RPS6KC1: variants seen among roughly 807,000 people sequenced by gnomAD.
RPS6KC1 encodes the protein ribosomal protein S6 kinase C1.
Under a neutral mutation model 103.8 loss-of-function variants are expected in RPS6KC1, and 54 were observed. The observed-to-expected ratio is 0.52, with a 90% CI of 0.42 to 0.65. The LOEUF (loss-of-function observed/expected upper bound fraction) is 0.65. Among genes scored for constraint, RPS6KC1 ranks in the 30% least tolerant of loss-of-function variants. The pLI is 0.00. For synonymous variants in RPS6KC1, 439 were observed against 438.7 expected (o/e 1.00, Z -0.01); for missense variants, 1,151 against 1,253.8 (o/e 0.92, Z 1.24).
At chr1:213,092,481 C>G (rs2081059134) in intron 3 of RPS6KC1, among the ~76,000 whole-genome samples, 1 of 150,524 alleles carries the variant, frequency 6.6e-6, no homozygotes, top group Admixed American at 6.7e-5. Context: ...ACAATCCTGG[C>G]TAACATGGTG....
the RPS6KC1 span, among the ~76,000 whole-genome samples, chr1:213,413,511 G>A: frequency 1.3e-5 from 2 of 152,154 alleles, no homozygotes; most frequent in African/African-American, 4.8e-5. Flanking sequence ...GGCTGTGCTA[G>A]ATTTAGAGAA....
At chr1:213,196,607 G>A (rs1448445463) in intron 8 of RPS6KC1, among the ~76,000 whole-genome samples, 1 of 152,086 alleles carries the variant, frequency 6.6e-6, no homozygotes, top group Non-Finnish European at 1.5e-5. Context: ...GAATTTTTAT[G>A]GTTTCGGGTC....
At chr1:213,109,240 C>A (rs939086950) in intron 4 of RPS6KC1, among the ~76,000 whole-genome samples, 2 of 152,134 alleles carry the variant, frequency 1.3e-5, no homozygotes, top group African/African-American at 4.8e-5. Context: ...GGGTTCATGC[C>A]ATTCTCCTGC....
chr1:213,143,552 A>G (rs558522929), intron 6 of RPS6KC1, among the ~76,000 whole-genome samples: 2 of 151,798 alleles, frequency 1.3e-5, no homozygotes, highest in East Asian at 3.9e-4. Flanking sequence ...CCTTTTTTTA[A>G]TATACATTTA....
the RPS6KC1 span, among the ~76,000 whole-genome samples, chr1:213,352,943 A>G: frequency 3.9e-5 from 6 of 152,208 alleles, no homozygotes; most frequent in Admixed American, 3.3e-4. Flanking sequence ...ACCAACTTAT[A>G]TTTGCTGAGC....
At chr1:213,097,839 G>T (rs1383860067) in intron 3 of RPS6KC1, among the ~76,000 whole-genome samples, 1 of 152,120 alleles carries the variant, frequency 6.6e-6, no homozygotes, top group African/African-American at 2.4e-5. Flanking sequence ...TAAACCTCAT[G>T]TACCAACCTC....
the RPS6KC1 span, among the ~76,000 whole-genome samples, chr1:213,856,736 T>C: frequency 6.6e-6 from 1 of 152,260 alleles, no homozygotes. Flanking sequence ...TTCAATGTTT[T>C]GTTTCTTTTA....
At chr1:213,453,671 A>C in the RPS6KC1 span, among the ~76,000 whole-genome samples, 1 of 152,210 alleles carries the variant, frequency 6.6e-6, no homozygotes, top group Non-Finnish European at 1.5e-5. Flanking sequence ...AATGGTAAGC[A>C]CTTTGGGGTA....
At chr1:213,525,820 T>C in the RPS6KC1 span, among the ~76,000 whole-genome samples, 21 of 152,204 alleles carry the variant, frequency 1.4e-4, no homozygotes, top group Non-Finnish European at 1.5e-5. Context: ...ATGGGGGCAT[T>C]GGTTTCTTTG....
At chr1:213,172,006 G>A (rs942352131) in intron 7 of RPS6KC1, among the ~76,000 whole-genome samples, 6 of 152,206 alleles carry the variant, frequency 3.9e-5, no homozygotes, top group African/African-American at 1.4e-4. Context: ...CCGCAGTAAT[G>A]GTTACTCTCT....
At chr1:213,292,923 C>G in the RPS6KC1 span, among the ~76,000 whole-genome samples, 2 of 152,162 alleles carry the variant, frequency 1.3e-5, no homozygotes, top group Non-Finnish European at 2.9e-5. Flanking sequence ...GGCAGACCTC[C>G]TCTTTGAATC....
chr1:213,560,529 C>T, the RPS6KC1 span, among the ~76,000 whole-genome samples: 1 of 152,246 alleles, frequency 6.6e-6, no homozygotes, highest in African/African-American at 2.4e-5. Context: ...TTAAATTCTG[C>T]CAACAACCTG....
the RPS6KC1 span, among the ~76,000 whole-genome samples, chr1:213,637,742 T>C: frequency 6.6e-6 from 1 of 152,148 alleles, no homozygotes; most frequent in Non-Finnish European, 1.5e-5. Flanking sequence ...ACCTAGCCCT[T>C]GGTAATGCCA....
At chr1:213,608,512 G>A in the RPS6KC1 span, among the ~76,000 whole-genome samples, 1 of 152,162 alleles carries the variant, frequency 6.6e-6, no homozygotes, top group East Asian at 1.9e-4. Context: ...GGTCGTGTGG[G>A]GATGACGTCA....
At chr1:213,659,496 A>AT in the RPS6KC1 span, among the ~76,000 whole-genome samples, 1 of 152,160 alleles carries the variant, frequency 6.6e-6, no homozygotes, top group Non-Finnish European at 1.5e-5. Context: ...ACCAAAGAAC[A>AT]TTTTCTTAGA....
the RPS6KC1 span, among the ~76,000 whole-genome samples, chr1:213,708,292 T>G: frequency 6.6e-6 from 1 of 152,202 alleles, no homozygotes; most frequent in South Asian, 2.1e-4. Context: ...TTTTATCCTC[T>G]TTGTAGCAAT....
chr1:213,308,487 A>G, the RPS6KC1 span, among the ~76,000 whole-genome samples: 1 of 152,210 alleles, frequency 6.6e-6, no homozygotes, highest in African/African-American at 2.4e-5. Context: ...ATTGAGACTC[A>G]CTGAATATTT....
At chr1:213,859,221 C>T in the RPS6KC1 span, among the ~76,000 whole-genome samples, 44 of 152,082 alleles carry the variant, frequency 2.9e-4, 1 homozygote, top group Non-Finnish European at 4.9e-4. Context: ...GGCATATGTC[C>T]GGGGCCTGAG....
At chr1:213,087,620 A>G (rs954434838) in intron 3 of RPS6KC1, among the ~76,000 whole-genome samples, 9 of 152,168 alleles carry the variant, frequency 5.9e-5, no homozygotes, top group Middle Eastern at 3.4e-3. Flanking sequence ...CCAGTATCCT[A>G]TGGATTTTGT....
Sources: allele counts gnomAD v4.1 joint callset (sites outside exome capture counted in the v4.1 genomes callset), GRCh38; gene constraint gnomAD v4.1.1; transcripts MANE v1.5; gene names NCBI Gene and HGNC (gene_info 2026-07-23, HGNC 2026-07-21).